INPP4B: variants seen among roughly 807,000 people sequenced by gnomAD.
INPP4B encodes inositol polyphosphate 4-phosphatase type II.
A neutral mutation model predicts 122.5 loss-of-function variants in INPP4B; 55 were observed. The ratio of observed to expected loss-of-function variants is 0.45; its 90% CI spans 0.36 to 0.56. INPP4B has a LOEUF of 0.56. Ranked by LOEUF, INPP4B falls within the 20% of genes least tolerant of loss-of-function variation. The probability of loss-of-function intolerance (pLI) is 0.00; values close to 1 mark genes in which losing one functional copy is unlikely to be tolerated. For synonymous variants in INPP4B, 403 were observed against 388.7 expected, an observed-to-expected ratio of 1.04 and a Z score of -0.43; for missense variants, 1,000 against 1,097.7, an observed-to-expected ratio of 0.91 and a Z score of 1.26.
chr4:142,459,598 C>T (rs868283272), intron 3 of INPP4B, among the ~76,000 whole-genome samples: 2 of 152,066 alleles, frequency 1.3e-5, no homozygotes, highest in African/African-American at 4.8e-5. Flanking sequence ...CATGCAGAAG[C>T]AGCACATTTT....
chr4:142,282,860 G>T (rs1309743144), intron 9 of INPP4B, among the ~76,000 whole-genome samples: 1 of 152,070 alleles, frequency 6.6e-6, no homozygotes, highest in Non-Finnish European at 1.5e-5. Context: ...TGCACCAGGG[G>T]CTGAGAATCT....
chr4:142,571,161 C>T (rs532961092), intron 2 of INPP4B, among the ~76,000 whole-genome samples: 3 of 151,278 alleles, frequency 2.0e-5, no homozygotes, highest in East Asian at 3.9e-4. Context: ...AGGGCCTTGG[C>T]ACCCCCAGAA....
chr4:142,062,957 A>G (rs972598399), intron 25 of INPP4B, among the ~76,000 whole-genome samples: 13 of 152,314 alleles, frequency 8.5e-5, no homozygotes, highest in South Asian at 2.1e-4. Context: ...ACACTTTCGT[A>G]GGCACTTCAA....
intron 25 of INPP4B, among the ~76,000 whole-genome samples, chr4:142,031,738 G>T (rs867946131): frequency 1.3e-5 from 2 of 152,240 alleles, no homozygotes; most frequent in East Asian, 1.9e-4. Flanking sequence ...ACTAAGAAAA[G>T]CTCCCCTTAC....
intron 1 of INPP4B, among the ~76,000 whole-genome samples, chr4:142,762,713 A>G (rs984674891): frequency 3.9e-5 from 6 of 152,166 alleles, no homozygotes; most frequent in African/African-American, 1.4e-4. Context: ...TGTGTGCCAT[A>G]TATTTGAAGA....
intron 1 of INPP4B, among the ~76,000 whole-genome samples, chr4:142,834,298 T>C (rs1782519107): frequency 6.6e-6 from 1 of 152,224 alleles, no homozygotes; most frequent in Admixed American, 6.5e-5. Context: ...GAGGTGATTA[T>C]TATTCGTAGG....
At chr4:142,208,829 T>TA (rs1157785732) in intron 13 of INPP4B, 67 bp downstream of exon 13, 2 of 1,186,882 alleles carry the variant, frequency 1.7e-6, no homozygotes, top group Non-Finnish European at 2.3e-6. Context: ...TATTTATTAT[T>TA]TTTTTTTTCA....
rs774940036 is a variant in INPP4B, at chr4:142,398,442, AT to A, written c.372+4495del. Reference sequence around the variant, plus strand: ...TATATATATATATATATATATATATATATAAAACATATTAAACATAGTGCTT... The same window carrying A: ...TATATATATATATATATATATATATAATAAAACATATTAAACATAGTGCTT... On this transcript the variant is annotated intron_variant, in intron 7 of 25. Transcript: ENST00000262992. Among the ~76,000 whole-genome samples the A allele has an allele frequency of 3.0e-3, 294 of 97,348 alleles. 2 individuals carry two copies. The highest frequency in any genetic ancestry group is 4.5e-3 in the Non-Finnish European group (225 of 50,092). 63.9% of individuals were successfully genotyped at this position (97,348 alleles called of 152,430 possible). A position where few individuals can be genotyped will look rare whatever the true frequency, so the allele number is the denominator to read the frequency against.
At chr4:142,279,590 G>A (rs1326727350) in intron 9 of INPP4B, among the ~76,000 whole-genome samples, 2 of 151,062 alleles carry the variant, frequency 1.3e-5, no homozygotes, top group African/African-American at 2.4e-5. Flanking sequence ...AACAAAAGCA[G>A]TTAACTTAAA....
chr4:142,630,946 T>C (rs112526856), intron 2 of INPP4B, among the ~76,000 whole-genome samples: 3 of 152,282 alleles, frequency 2.0e-5, no homozygotes, highest in African/African-American at 4.8e-5. Flanking sequence ...GAGGCACTCC[T>C]GTATTTCTAG....
chr4:142,081,956 T>A, intron 25 of INPP4B, 75 bp downstream of exon 25: 1 of 1,059,308 alleles, frequency 9.4e-7, no homozygotes, highest in Non-Finnish European at 1.3e-6. Flanking sequence ...CAATAAAATA[T>A]GTATTTTGAA....
At chr4:142,282,831 G>A (rs1175281332) in intron 9 of INPP4B, among the ~76,000 whole-genome samples, 12 of 152,138 alleles carry the variant, frequency 7.9e-5, no homozygotes, top group South Asian at 6.2e-4. Flanking sequence ...ATCAAGGGGC[G>A]GGTGTTATGT....
chr4:142,632,053 A>G (rs1179991709), intron 2 of INPP4B, among the ~76,000 whole-genome samples: 2 of 152,162 alleles, frequency 1.3e-5, no homozygotes, highest in Non-Finnish European at 2.9e-5. Flanking sequence ...TCTCTCAAAC[A>G]GACAAGAATG....
chr4:142,160,601 G>T (rs1264759112), intron 16 of INPP4B, 40 bp from the exon 17 acceptor site: 1 of 1,462,134 alleles, frequency 6.8e-7, no homozygotes, highest in Non-Finnish European at 9.4e-7. Flanking sequence ...ACCTTGGTAG[G>T]CATCTCAGCA....
At chr4:142,042,156 T>TA (rs1358583898) in intron 25 of INPP4B, among the ~76,000 whole-genome samples, 3 of 152,244 alleles carry the variant, frequency 2.0e-5, no homozygotes, top group Non-Finnish European at 4.4e-5. Flanking sequence ...TCCTGTCTTT[T>TA]ACCATGCTTG....
intron 25 of INPP4B, among the ~76,000 whole-genome samples, chr4:142,068,044 C>T (rs1162864334): frequency 6.6e-6 from 1 of 151,944 alleles, no homozygotes; most frequent in African/African-American, 2.4e-5. Flanking sequence ...TTCACAAAAG[C>T]TGAAAGGAAG....
At chr4:142,285,479 C>T (rs1753193720) in intron 9 of INPP4B, among the ~76,000 whole-genome samples, 1 of 151,910 alleles carries the variant, frequency 6.6e-6, no homozygotes, top group Non-Finnish European at 1.5e-5. Context: ...TCTAGGTGAC[C>T]TAAGGATTGA....
At chr4:142,162,023 A>T (rs1313088334) in intron 16 of INPP4B, among the ~76,000 whole-genome samples, 1 of 151,796 alleles carries the variant, frequency 6.6e-6, no homozygotes, top group Non-Finnish European at 1.5e-5. Context: ...TCAACTTTCC[A>T]AGTGTTTTGA....
At chr4:142,419,579 C>T (rs1229810788) in intron 5 of INPP4B, among the ~76,000 whole-genome samples, 3 of 152,108 alleles carry the variant, frequency 2.0e-5, no homozygotes, top group East Asian at 3.9e-4. Context: ...AGGCAAGTCA[C>T]TTAACCACTC....
Sources: allele counts gnomAD v4.1 joint callset (sites outside exome capture counted in the v4.1 genomes callset), GRCh38; gene constraint gnomAD v4.1.1; transcripts MANE v1.5; gene names NCBI Gene and HGNC (gene_info 2026-07-23, HGNC 2026-07-21).